CA10: variants seen among roughly 807,000 people sequenced by gnomAD.
The protein encoded by CA10 is carbonic anhydrase 10 (inactive).
In CA10, 14 loss-of-function variants were observed where a neutral mutation model predicts 44.2. That is an observed-to-expected ratio of 0.32 (90% CI 0.21 to 0.50). The LOEUF (loss-of-function observed/expected upper bound fraction) is 0.50, where lower values mean the gene tolerates loss of function less well. Among genes scored for constraint, CA10 ranks in the 20% least tolerant of loss-of-function variants. CA10 has a pLI of 0.99. For missense variants in CA10, 350 were observed against 409.7 expected (o/e 0.85, Z 1.26); for synonymous variants, 159 against 141.6 (o/e 1.12, Z -0.87).
chr17:51,830,900 C>T (rs1386778320), intron 3 of CA10, among the ~76,000 whole-genome samples: 4 of 152,184 alleles, frequency 2.6e-5, no homozygotes, highest in African/African-American at 7.2e-5. Context: ...CAGACTCCTT[C>T]ACAGCTAGAC....
At chr17:51,957,295 A>G (rs1442551921) in intron 2 of CA10, among the ~76,000 whole-genome samples, 1 of 152,144 alleles carries the variant, frequency 6.6e-6, no homozygotes, top group Non-Finnish European at 1.5e-5. Flanking sequence ...CTACTGAAAC[A>G]TTTACATTTA....
At chr17:52,015,495 A>G (rs1202758089) in intron 2 of CA10, among the ~76,000 whole-genome samples, 1 of 152,172 alleles carries the variant, frequency 6.6e-6, no homozygotes, top group East Asian at 1.9e-4. Context: ...GAAAGTTAAT[A>G]GCTAGATCTT....
chr17:51,953,969 A>T (rs117850899), intron 2 of CA10, among the ~76,000 whole-genome samples: 1 of 152,322 alleles, frequency 6.6e-6, no homozygotes, highest in Non-Finnish European at 1.5e-5. Context: ...TTTAATAGTG[A>T]TAAGTATTAC....
At chr17:51,677,953 A>G (rs1234096109) in intron 4 of CA10, among the ~76,000 whole-genome samples, 1 of 151,286 alleles carries the variant, frequency 6.6e-6, no homozygotes, top group African/African-American at 2.4e-5. Flanking sequence ...CCATGTTCAC[A>G]GCAGCACTAT....
intron 3 of CA10, among the ~76,000 whole-genome samples, chr17:51,804,790 G>C (rs1303116868): frequency 6.6e-6 from 1 of 152,116 alleles, no homozygotes; most frequent in Non-Finnish European, 1.5e-5. Flanking sequence ...TTATTATTTA[G>C]TAACTTGTCT....
chr17:52,000,880 T>A (rs1045014229), intron 2 of CA10, among the ~76,000 whole-genome samples: 3 of 148,576 alleles, frequency 2.0e-5, no homozygotes, highest in Non-Finnish European at 3.0e-5. Flanking sequence ...AGGATTAAAA[T>A]CTCGACTACA....
chr17:51,797,247 A>G (rs1260238403), intron 3 of CA10, among the ~76,000 whole-genome samples: 1 of 152,232 alleles, frequency 6.6e-6, no homozygotes, highest in East Asian at 1.9e-4. Flanking sequence ...AAGGATATCC[A>G]GTTGTCCACA....
intron 1 of CA10, among the ~76,000 whole-genome samples, chr17:52,146,462 G>A (rs952578589): frequency 4.6e-5 from 7 of 151,868 alleles, no homozygotes; most frequent in South Asian, 2.1e-4. Context: ...AGGCTGAGGC[G>A]GGCGGATCAT....
chr17:52,041,597 C>CA (rs1407664272), intron 2 of CA10, among the ~76,000 whole-genome samples: 7 of 152,072 alleles, frequency 4.6e-5, no homozygotes, highest in Non-Finnish European at 1.0e-4. Context: ...GGTGATAACA[C>CA]AAGATCTACT....
chr17:51,689,304 A>C (rs1915109318), intron 4 of CA10, among the ~76,000 whole-genome samples: 1 of 152,244 alleles, frequency 6.6e-6, no homozygotes, highest in Admixed American at 6.5e-5. Flanking sequence ...AGGCTTAGCG[A>C]GGCTAAATAA....
intron 2 of CA10, among the ~76,000 whole-genome samples, chr17:51,934,053 C>T (rs1030590105): frequency 6.6e-6 from 1 of 152,112 alleles, no homozygotes. Flanking sequence ...ATCACCTGCT[C>T]AGCCAATCGA....
intron 3 of CA10, among the ~76,000 whole-genome samples, chr17:51,861,687 A>C (rs1979317289): frequency 6.6e-6 from 1 of 152,180 alleles, no homozygotes; most frequent in Non-Finnish European, 1.5e-5. Context: ...ATGTAGAATG[A>C]GTCTTTGAAA....
intron 1 of CA10, chr17:52,134,949 G>T (rs771302811): frequency 5.8e-6 from 3 of 518,990 alleles, no homozygotes; most frequent in Non-Finnish European, 7.7e-6. Context: ...GGCTCCTGAT[G>T]CTGGCCATTG....
At chr17:52,134,178 C>A (rs1378670829) in intron 1 of CA10, among the ~76,000 whole-genome samples, 1 of 152,166 alleles carries the variant, frequency 6.6e-6, no homozygotes, top group African/African-American at 2.4e-5. Flanking sequence ...TATATAGACC[C>A]ATTCAAAACA....
At chr17:51,745,893 T>C (rs1441041586) in intron 4 of CA10, among the ~76,000 whole-genome samples, 1 of 152,188 alleles carries the variant, frequency 6.6e-6, no homozygotes, top group East Asian at 1.9e-4. Flanking sequence ...TTACAAACCT[T>C]AAAATAACTT....
chr17:51,758,370 T>C (rs1905131190), intron 3 of CA10, among the ~76,000 whole-genome samples: 1 of 152,250 alleles, frequency 6.6e-6, no homozygotes, highest in Admixed American at 6.5e-5. Context: ...TTCAACTTGA[T>C]TGATCTTGGT....
rs555253897 is a variant in CA10 at position 51,890,751 on chromosome 17, C to T, written c.279+40239G>A. 2.6e-5 allele frequency among the ~76,000 whole-genome samples: 4 copies of T among 152,286 alleles called. No homozygotes were observed. The South Asian group carries it at 8.3e-4, about 32-fold the overall frequency. On this transcript the variant is annotated intron_variant, in intron 3 of 8. Coordinates refer to ENST00000451037, the MANE Select transcript of CA10 (RefSeq NM_020178.5). ...AGTATATATAGTGCACTGTGCTAGGCTCTGTAGAGGACTGAATTCATAAAA... is the reference window on the plus strand; with the variant it reads ...AGTATATATAGTGCACTGTGCTAGGTTCTGTAGAGGACTGAATTCATAAAA...
At chr17:51,652,902 T>A (rs971529059) in intron 5 of CA10, among the ~76,000 whole-genome samples, 1 of 152,252 alleles carries the variant, frequency 6.6e-6, no homozygotes, top group Non-Finnish European at 1.5e-5. Flanking sequence ...TGCTTTTTTT[T>A]AATTTTTATT....
At chr17:52,030,284 G>A (rs911342632) in intron 2 of CA10, among the ~76,000 whole-genome samples, 4 of 152,162 alleles carry the variant, frequency 2.6e-5, no homozygotes, top group African/African-American at 7.2e-5. Context: ...AGATCATGCC[G>A]TAGGGCCTGT....
Sources: gnomAD v4.1 joint callset for allele counts (sites outside exome capture counted in the v4.1 genomes callset) on GRCh38, gnomAD v4.1.1 for gene constraint, MANE v1.5 for transcripts, NCBI Gene and HGNC (gene_info 2026-07-23, HGNC 2026-07-21) for gene names.